GLDC: variants seen among roughly 807,000 people sequenced by gnomAD.
GLDC encodes glycine decarboxylase, also known as glycine dehydrogenase (decarboxylating), mitochondrial.
In GLDC, 104 loss-of-function variants were observed where a neutral mutation model predicts 121.3. That is an observed-to-expected ratio of 0.86 (90% confidence interval 0.73 to 1.01). The LOEUF (loss-of-function observed/expected upper bound fraction) is 1.01. GLDC is among the 50% of genes least tolerant of loss of function. GLDC has a pLI of 0.00. For synonymous variants in GLDC, 546 were observed against 480.6 expected, an observed-to-expected ratio of 1.14 and a Z score of -1.78; for missense variants, 1,429 against 1,306.6, an observed-to-expected ratio of 1.09 and a Z score of -1.44.
intron 2 of GLDC, among the ~76,000 whole-genome samples, chr9:6,635,994 C>T (rs1819494487): frequency 6.6e-6 from 1 of 152,030 alleles, no homozygotes; most frequent in Admixed American, 6.6e-5. Flanking sequence ...AGACTGAATC[C>T]TAACGTAAAC....
At chr9:6,556,336 G>A in intron 17 of GLDC, 34 bp from the exon 18 acceptor site, 1 of 1,584,268 alleles carries the variant, frequency 6.3e-7, no homozygotes, top group Non-Finnish European at 8.7e-7. Context: ...AGGACATGGA[G>A]GGAGGATATG....
chr9:6,538,288 A>C (rs997530687), intron 22 of GLDC, among the ~76,000 whole-genome samples: 3 of 152,146 alleles, frequency 2.0e-5, no homozygotes, highest in Admixed American at 6.5e-5. Context: ...AGTCCAAGGT[A>C]GGGTCCAAAA....
rs557115874 is a variant in GLDC at position 6,611,448 on chromosome 9, C to G, written c.471-1092G>C. Among the ~76,000 whole-genome samples, 392 of 151,994 alleles carry G rather than the reference C, an allele frequency of 2.6e-3. 2 individuals are homozygous for G. The highest frequency in any genetic ancestry group is 8.3e-3 in the African/African-American group (344 of 41,444). On this transcript the variant is annotated intron_variant, in intron 3 of 24. Transcript: ENST00000321612. ...GCACGTGCCTGTAGTCCCAGCTACT[C>G]AGGAGGCTGAGGCAGGAGAATCGCT...
intron 3 of GLDC, 141 bp from the exon 4 acceptor site, chr9:6,610,497 T>C: frequency 1.3e-6 from 1 of 770,992 alleles, no homozygotes; most frequent in Non-Finnish European, 2.3e-6. Flanking sequence ...AAGCTTCTTT[T>C]TGGCCTTTGT....
At chr9:6,643,142 C>A (rs1290509238) in intron 2 of GLDC, among the ~76,000 whole-genome samples, 3 of 152,100 alleles carry the variant, frequency 2.0e-5, no homozygotes, top group Non-Finnish European at 4.4e-5. Context: ...AAGCGATCCA[C>A]CTGCCTAGAC....
At chr9:6,570,388 T>A (rs1333748148) in intron 15 of GLDC, among the ~76,000 whole-genome samples, 1 of 152,228 alleles carries the variant, frequency 6.6e-6, no homozygotes, top group Non-Finnish European at 1.5e-5. Flanking sequence ...ATTGACCATA[T>A]CTATTTTTGT....
intron 15 of GLDC, chr9:6,585,141 C>A (rs553395882): frequency 6.6e-6 from 1 of 152,294 alleles, no homozygotes; most frequent in African/African-American, 2.4e-5. Flanking sequence ...ACCATGGGAT[C>A]TAATTCCTAG....
At position 6,620,302 on chromosome 9, in the gene GLDC, C is replaced by T. The variant is rs1333702002; in HGVS notation, c.352G>A (p.Ala118Thr). ...EDPVCENEIL[A>T]TLHAISSKNQ... ...TTGCTTGAAATGGCATGCAGAGTTG[C>T]AAGGATTTCATTTTCACCTAATTGT... is the stretch of plus-strand genomic sequence containing the variant. Residue 118 changes from alanine to threonine, a missense_variant, in exon 3 of 25, where the codon GCA becomes ACA. By Grantham distance (58) the Ala-to-Thr change is moderately conservative. Coordinates refer to ENST00000321612, the MANE Select transcript of GLDC (RefSeq NM_000170.3). 6.2e-7 allele frequency: 1 copy of T among 1,613,442 alleles called. No individual in the cohort carries two copies.
At chr9:6,601,524 T>C (rs1163324771) in intron 8 of GLDC, among the ~76,000 whole-genome samples, 2 of 152,234 alleles carry the variant, frequency 1.3e-5, no homozygotes, top group Non-Finnish European at 2.9e-5. Flanking sequence ...GCTTTTTATT[T>C]TTTTTAGTAT....
intron 16 of GLDC, among the ~76,000 whole-genome samples, chr9:6,560,247 G>A (rs1817724000): frequency 6.6e-6 from 1 of 152,144 alleles, no homozygotes; most frequent in Non-Finnish European, 1.5e-5. Flanking sequence ...GAGATGGATG[G>A]GCATTATTGA....
At chr9:6,622,950 G>A (rs1819143822) in intron 2 of GLDC, 4 of 202,390 alleles carry the variant, frequency 2.0e-5, no homozygotes, top group Non-Finnish European at 4.0e-5. Context: ...TCTGGGAGGT[G>A]AGGAACGTCT....
intron 21 of GLDC, among the ~76,000 whole-genome samples, chr9:6,547,607 A>AT (rs1166955817): frequency 6.6e-6 from 1 of 152,098 alleles, no homozygotes; most frequent in East Asian, 1.9e-4. Context: ...TGAGATAATA[A>AT]TTTTTTCTAT....
At chr9:6,640,098 G>C (rs1382801830) in intron 2 of GLDC, among the ~76,000 whole-genome samples, 1 of 152,084 alleles carries the variant, frequency 6.6e-6, no homozygotes, top group Non-Finnish European at 1.5e-5. Context: ...CACACCTAAA[G>C]GCTTCCCTTT....
chr9:6,587,205 G>A lies in GLDC; in HGVS notation c.1786C>T (p.Arg596Ter), dbSNP rs386833531. 6 of 1,613,910 alleles carry A rather than the reference G, an allele frequency of 3.7e-6. No homozygotes were observed. Among genetic ancestry groups the A allele is most frequent in the South Asian group, 2.2e-5 (2 of 91,064 alleles). Reference sequence around the variant, plus strand: ...TCACACAAATCCTTCTCAAGCTCTCGGAAAAGCTGCTGATATCCTTGAGCT... The same window carrying A: ...TCACACAAATCCTTCTCAAGCTCTCAGAAAAGCTGCTGATATCCTTGAGCT... The part of the protein sequence containing the change: ...DQAQGYQQLF[R>*]ELEKDLCELT... The change falls in exon 15 of 25, where the codon CGA (arginine) becomes TGA (stop). Residue 596 changes from arginine to a stop codon, truncating the protein, a stop_gained. Transcript: ENST00000321612. LOFTEE classifies it high-confidence loss of function.
chr9:6,605,089 G>C, intron 6 of GLDC, 42 bp downstream of exon 6: 3 of 1,565,472 alleles, frequency 1.9e-6, no homozygotes, highest in Non-Finnish European at 2.6e-6. Flanking sequence ...ATACAAGTTG[G>C]GATACGCCTC....
rs55636505 is a variant in GLDC, at chr9:6,616,007, C to T, written c.470+4177G>A. 1.1e-3 allele frequency among the ~76,000 whole-genome samples: 167 copies of T among 152,332 alleles called. 1 individual carries two copies. Among genetic ancestry groups the T allele is most frequent in the African/African-American group, 3.8e-3 (158 of 41,582 alleles). Reference sequence around the variant, plus strand: ...GCTGTTCACCTGTGCGATGATTGGGCACTACAGCCTCAAACTTCTGGACTC... The same window carrying T: ...GCTGTTCACCTGTGCGATGATTGGGTACTACAGCCTCAAACTTCTGGACTC... On this transcript the variant is annotated intron_variant, in intron 3 of 24. Coordinates refer to ENST00000321612, the MANE Select transcript of GLDC (RefSeq NM_000170.3).
At chr9:6,554,128 GA>G (rs1817569411) in intron 19 of GLDC, among the ~76,000 whole-genome samples, 1 of 152,166 alleles carries the variant, frequency 6.6e-6, no homozygotes, top group African/African-American at 2.4e-5. Flanking sequence ...TTCCCAAGAT[GA>G]TTTGATTTCA....
At chr9:6,594,692 T>TAAGCAAGGAAGC (rs1554647147) in intron 9 of GLDC, among the ~76,000 whole-genome samples, 2 of 144,340 alleles carry the variant, frequency 1.4e-5, no homozygotes, top group Non-Finnish European at 3.0e-5. Flanking sequence ...AAGACTCCAT[T>TAAGCAAGGAAGC]AAGCAAGGAA....
intron 15 of GLDC, among the ~76,000 whole-genome samples, chr9:6,586,021 C>A (rs1041329324): frequency 1.3e-5 from 2 of 152,036 alleles, no homozygotes; most frequent in Non-Finnish European, 2.9e-5. Context: ...CTAGGCCAGG[C>A]GTGGTGGCTC....
Sources: allele counts gnomAD v4.1 joint callset (sites outside exome capture counted in the v4.1 genomes callset), GRCh38; gene constraint gnomAD v4.1.1; transcripts MANE v1.5; gene names NCBI Gene and HGNC (gene_info 2026-07-23, HGNC 2026-07-21).